The following SNX29 variants were observed in gnomAD, a reference collection of about 807,000 sequenced individuals.
SNX29 encodes the protein sorting nexin 29, also known as sorting nexin-29.
SNX29 carries 78 observed loss-of-function variants against 102.1 expected under a neutral mutation model. The observed-to-expected ratio is 0.76, with a 90% CI of 0.64 to 0.92. The LOEUF is 0.92. SNX29 is among the 40% of genes least tolerant of loss of function. SNX29 has a pLI of 0.00. For synonymous variants in SNX29, 580 were observed against 414.5 expected (o/e 1.40, Z -4.85); for missense variants, 1,280 against 1,061.7 (o/e 1.21, Z -2.86).
At chr16:12,273,814 T>G (rs2079163406) in intron 14 of SNX29, among the ~76,000 whole-genome samples, 2 of 152,324 alleles carry the variant, frequency 1.3e-5, no homozygotes, top group Admixed American at 6.5e-5. Context: ...CTCTGGACAT[T>G]TCGTGTACGT....
intron 18 of SNX29, among the ~76,000 whole-genome samples, chr16:12,409,377 A>C (rs188594526): frequency 4.1e-5 from 6 of 144,814 alleles, no homozygotes; most frequent in Non-Finnish European, 1.5e-5. Flanking sequence ...GTTTGATCTT[A>C]TTCCCCAAAT....
In SNX29 at chr16:12,061,609, C is replaced by T. The variant is rs1165504641; in HGVS notation, c.1206C>T (p.Leu402=). The T allele has an allele frequency of 1.9e-6, 3 of 1,612,072 alleles. No homozygotes were observed. Among genetic ancestry groups the T allele is most frequent in the East Asian group, 2.2e-5 (1 of 44,882 alleles). The change falls in exon 9 of 21, where the codon CTC becomes CTT. Residue 402 remains leucine, a synonymous_variant. Coordinates refer to ENST00000566228, the MANE Select transcript of SNX29 (RefSeq NM_032167.5). ...LKVLHNDSDI[L]FPVSGVGSYS... ...TGCTGCACAATGACTCCGACATCCTCTTCCCTGTCAGTGGCGTGGGCTCCT... is the reference window on the plus strand; with the variant it reads ...TGCTGCACAATGACTCCGACATCCTTTTCCCTGTCAGTGGCGTGGGCTCCT...
chr16:12,163,621 A>T (rs2055887827), intron 13 of SNX29, among the ~76,000 whole-genome samples: 1 of 152,150 alleles, frequency 6.6e-6, no homozygotes, highest in African/African-American at 2.4e-5. Flanking sequence ...GGAGACTAGA[A>T]ATCTCCTGTA....
At chr16:12,403,579 C>A in intron 18 of SNX29, 50 bp downstream of exon 18, 1 of 1,526,622 alleles carries the variant, frequency 6.6e-7, no homozygotes, top group East Asian at 2.4e-5. Flanking sequence ...GAAAAACGCC[C>A]ATTTGTCATG....
chr16:12,017,833 G>A (rs1387792759), intron 3 of SNX29, among the ~76,000 whole-genome samples: 1 of 152,080 alleles, frequency 6.6e-6, no homozygotes, highest in Admixed American at 6.6e-5. Context: ...CCATCTGACT[G>A]AAGTGCTACC....
At chr16:12,109,003 C>G (rs981274712) in intron 11 of SNX29, among the ~76,000 whole-genome samples, 10 of 151,730 alleles carry the variant, frequency 6.6e-5, no homozygotes, top group Admixed American at 6.6e-5. Flanking sequence ...TGACAGGCTC[C>G]TGTAACCCCA....
chr16:11,978,824 C>A (rs2055356914), intron 1 of SNX29, among the ~76,000 whole-genome samples: 1 of 152,030 alleles, frequency 6.6e-6, no homozygotes, highest in Non-Finnish European at 1.5e-5. Context: ...ACTTGGGAGG[C>A]TGAGGCAGGA....
chr16:12,283,324 T>C (rs2079493461), intron 15 of SNX29, among the ~76,000 whole-genome samples: 2 of 151,840 alleles, frequency 1.3e-5, no homozygotes, highest in South Asian at 4.2e-4. Flanking sequence ...TTTTTTTTTT[T>C]TCTTTTTCTT....
At chr16:12,537,387 C>G (rs1036076605) in intron 20 of SNX29, among the ~76,000 whole-genome samples, 1 of 152,210 alleles carries the variant, frequency 6.6e-6, no homozygotes, top group Non-Finnish European at 1.5e-5. Context: ...AAGAGCAAGA[C>G]TTTGAGCCAA....
At chr16:12,429,647 C>A (rs528898420) in intron 18 of SNX29, among the ~76,000 whole-genome samples, 1 of 152,226 alleles carries the variant, frequency 6.6e-6, no homozygotes, top group Non-Finnish European at 1.5e-5. Context: ...TCTTGCGGTG[C>A]ACAGTGTTCC....
At chr16:11,983,763 C>T (rs1333349620) in intron 1 of SNX29, 1 of 943,094 alleles carries the variant, frequency 1.1e-6, no homozygotes, top group Non-Finnish European at 1.3e-6. Context: ...GAACTAAAAT[C>T]CAAGATTTTA....
intron 18 of SNX29, among the ~76,000 whole-genome samples, chr16:12,422,146 C>T (rs1347265055): frequency 6.6e-6 from 1 of 152,200 alleles, no homozygotes; most frequent in Non-Finnish European, 1.5e-5. Flanking sequence ...CATTTTTCTC[C>T]TTAAAAACAT....
At chr16:12,451,027 A>G (rs1230512168) in intron 18 of SNX29, among the ~76,000 whole-genome samples, 2 of 152,108 alleles carry the variant, frequency 1.3e-5, no homozygotes, top group Non-Finnish European at 2.9e-5. Context: ...ATGGCTCTGC[A>G]CAGAATATGC....
At chr16:12,227,282 C>G (rs144729893) in intron 14 of SNX29, among the ~76,000 whole-genome samples, 1 of 152,312 alleles carries the variant, frequency 6.6e-6, no homozygotes, top group East Asian at 1.9e-4. Flanking sequence ...GCGCATTTCT[C>G]ACCTTTTCCT....
At chr16:12,321,396 C>A (rs905329108) in intron 15 of SNX29, among the ~76,000 whole-genome samples, 1 of 152,198 alleles carries the variant, frequency 6.6e-6, no homozygotes, top group African/African-American at 2.4e-5. Flanking sequence ...CAGAATTTAG[C>A]CCCCACACTT....
chr16:12,560,776 C>A (rs1287031424), intron 20 of SNX29: 1 of 175,542 alleles, frequency 5.7e-6, no homozygotes, highest in Admixed American at 6.3e-5. Context: ...ACCCTCTGTG[C>A]TTTATTTTCC....
intron 13 of SNX29, among the ~76,000 whole-genome samples, chr16:12,142,425 G>T (rs1423904142): frequency 1.3e-5 from 2 of 152,080 alleles, no homozygotes; most frequent in Admixed American, 6.5e-5. Flanking sequence ...CATGGGGTGG[G>T]TGGGGCTGGT....
At chr16:12,416,505 G>T (rs1048139395) in intron 18 of SNX29, among the ~76,000 whole-genome samples, 6 of 152,204 alleles carry the variant, frequency 3.9e-5, no homozygotes, top group African/African-American at 1.4e-4. Flanking sequence ...ACAGATACAT[G>T]TAGCAAAACA....
At chr16:12,104,225 G>T (rs114776364) in intron 11 of SNX29, among the ~76,000 whole-genome samples, 2,112 of 152,264 alleles carry the variant, frequency 0.014, 47 homozygotes, top group African/African-American at 0.044. Context: ...CAGGCACAGA[G>T]ATCACCCAGG....
Sources: gnomAD v4.1 joint callset for allele counts (sites outside exome capture counted in the v4.1 genomes callset) on GRCh38, gnomAD v4.1.1 for gene constraint, MANE v1.5 for transcripts, NCBI Gene and HGNC (gene_info 2026-07-23, HGNC 2026-07-21) for gene names.